Variants in CACNA1E observed in about 807,000 individuals in gnomAD.
CACNA1E encodes calcium voltage-gated channel subunit alpha1 E.
CACNA1E carries 40 observed loss-of-function variants against 259.2 expected under a neutral mutation model. That is an observed-to-expected ratio of 0.15 (90% CI 0.12 to 0.20). The LOEUF (loss-of-function observed/expected upper bound fraction) is 0.20. CACNA1E is among the 10% of genes least tolerant of loss of function. CACNA1E has a pLI of 1.00. For synonymous variants in CACNA1E, 1,104 were observed against 1,138.5 expected (o/e 0.97, Z 0.61); for missense variants, 1,874 against 3,040.1 (o/e 0.62, Z 9.02).
At chr1:181,421,155 A>G (rs1218990060) in intron 2 of CACNA1E, among the ~76,000 whole-genome samples, 3 of 152,092 alleles carry the variant, frequency 2.0e-5, no homozygotes, top group Non-Finnish European at 4.4e-5. Flanking sequence ...GAGCCATCCT[A>G]CTCACTGGTG....
At chr1:181,501,997 A>T (rs1665288511) in intron 1 of CACNA1E, among the ~76,000 whole-genome samples, 1 of 152,166 alleles carries the variant, frequency 6.6e-6, no homozygotes, top group African/African-American at 2.4e-5. Context: ...CAAGGAAAGC[A>T]ATGAGATGAT....
In CACNA1E at chr1:181,450,928, T is replaced by C. The variant is rs145739153; in HGVS notation, c.435-32816T>C. On this transcript the variant is annotated intron_variant, in intron 2 of 11. Transcript: ENST00000524607. The stretch of plus-strand genomic sequence containing the variant: ...AAAGATATTTAGGAATTGCAAAGAG[T>C]AGGACTTTGTGATTGAAGAATAGGA... Among the ~76,000 whole-genome samples the C allele has an allele frequency of 1.2e-3, 177 of 151,758 alleles. 1 individual carries two copies. Among genetic ancestry groups the C allele is most frequent in the African/African-American group, 4.1e-3 (171 of 41,352 alleles).
At chr1:181,641,364 G>T (rs1173057445) in intron 6 of CACNA1E, among the ~76,000 whole-genome samples, 1 of 152,142 alleles carries the variant, frequency 6.6e-6, no homozygotes, top group African/African-American at 2.4e-5. Flanking sequence ...CACCATTCAG[G>T]GTCCTCCATG....
intron 16 of CACNA1E, among the ~76,000 whole-genome samples, chr1:181,722,786 C>T (rs965411932): frequency 3.3e-5 from 5 of 152,074 alleles, no homozygotes; most frequent in African/African-American, 1.2e-4. Context: ...TTTGCATTTT[C>T]CATAGTTTCA....
intron 7 of CACNA1E, among the ~76,000 whole-genome samples, chr1:181,689,584 AC>A (rs1355883167): frequency 2.6e-5 from 4 of 152,196 alleles, no homozygotes; most frequent in Non-Finnish European, 5.9e-5. Context: ...GAACTAATTG[AC>A]AGTTCCACCA....
chr1:181,752,885 C>T (rs1404328386), intron 27 of CACNA1E, among the ~76,000 whole-genome samples: 7 of 152,220 alleles, frequency 4.6e-5, no homozygotes, highest in Non-Finnish European at 1.5e-5. Flanking sequence ...TGGGGTTCCA[C>T]CTTCCACGAG....
At chr1:181,653,684 T>C (rs1658953348) in intron 7 of CACNA1E, among the ~76,000 whole-genome samples, 1 of 152,234 alleles carries the variant, frequency 6.6e-6, no homozygotes, top group Non-Finnish European at 1.5e-5. Flanking sequence ...TCATATTGCC[T>C]CTTTTTCAAT....
intron 1 of CACNA1E, among the ~76,000 whole-genome samples, chr1:181,410,348 C>G (rs1158172374): frequency 1.3e-5 from 2 of 152,192 alleles, no homozygotes; most frequent in Non-Finnish European, 2.9e-5. Context: ...TCCCTGATCC[C>G]TTGACCTGGC....
chr1:181,586,568 C>T (rs1051829211), intron 6 of CACNA1E, among the ~76,000 whole-genome samples: 6 of 152,082 alleles, frequency 3.9e-5, no homozygotes, highest in African/African-American at 1.4e-4. Context: ...AAGTGAAGAG[C>T]GCGCTGCAGA....
intron 35 of CACNA1E, among the ~76,000 whole-genome samples, chr1:181,768,212 A>G (rs1659192250): frequency 6.6e-6 from 1 of 152,122 alleles, no homozygotes; most frequent in African/African-American, 2.4e-5. Context: ...TGGTATGAAT[A>G]TTGTTGATTC....
At chr1:181,513,055 T>A (rs903468950) in intron 3 of CACNA1E, among the ~76,000 whole-genome samples, 1 of 152,194 alleles carries the variant, frequency 6.6e-6, no homozygotes. Context: ...AAGAAAAGTA[T>A]TGTAATGTGT....
At chr1:181,784,583 G>A in intron 40 of CACNA1E, 78 bp from the exon 41 acceptor site, 1 of 934,144 alleles carries the variant, frequency 1.1e-6, no homozygotes. Context: ...TGCTGATTCA[G>A]CTCCTACCTT....
At chr1:181,577,679 T>G in intron 3 of CACNA1E, 87 bp from the exon 4 acceptor site, 14 of 820,258 alleles carry the variant, frequency 1.7e-5, no homozygotes, top group Non-Finnish European at 2.6e-5. Context: ...CTTTCCAGGC[T>G]GAGCTTGCCT....
chr1:181,326,841 G>A (rs759958619), intron 1 of CACNA1E, among the ~76,000 whole-genome samples: 17 of 152,024 alleles, frequency 1.1e-4, no homozygotes, highest in South Asian at 2.1e-4. Flanking sequence ...ACCGCCCTCC[G>A]TCCTGTTGCC....
At chr1:181,434,637 G>C (rs567172072) in intron 2 of CACNA1E, among the ~76,000 whole-genome samples, 2 of 152,154 alleles carry the variant, frequency 1.3e-5, no homozygotes, top group African/African-American at 2.4e-5. Context: ...GGGGAGATCT[G>C]GGGAAGAGCA....
At chr1:181,539,595 T>A (rs564049534) in intron 3 of CACNA1E, among the ~76,000 whole-genome samples, 1 of 152,204 alleles carries the variant, frequency 6.6e-6, no homozygotes, top group African/African-American at 2.4e-5. Context: ...TTACCACTAC[T>A]AATGCTCTGT....
chr1:181,447,660 A>G (rs907256624), intron 2 of CACNA1E, among the ~76,000 whole-genome samples: 3 of 152,216 alleles, frequency 2.0e-5, no homozygotes, highest in Non-Finnish European at 2.9e-5. Flanking sequence ...TTATCTTACA[A>G]TTCTGTAAAG....
At chr1:181,765,515 T>C (rs1441774215) in intron 34 of CACNA1E, among the ~76,000 whole-genome samples, 1 of 152,176 alleles carries the variant, frequency 6.6e-6, no homozygotes, top group East Asian at 1.9e-4. Context: ...CCACCCACTT[T>C]CAGTTGCATT....
At chr1:181,560,709 A>AT (rs1649239869) in intron 3 of CACNA1E, among the ~76,000 whole-genome samples, 2 of 152,218 alleles carry the variant, frequency 1.3e-5, no homozygotes, top group Non-Finnish European at 2.9e-5. Flanking sequence ...AAATTAAACC[A>AT]TATGATTCAG....
Sources: gnomAD v4.1 joint callset for allele counts (sites outside exome capture counted in the v4.1 genomes callset) on GRCh38, gnomAD v4.1.1 for gene constraint, MANE v1.5 for transcripts, NCBI Gene and HGNC (gene_info 2026-07-23, HGNC 2026-07-21) for gene names.